VDR: variants seen among roughly 807,000 people sequenced by gnomAD.
VDR encodes the protein vitamin D receptor.
In VDR, 19 loss-of-function variants were observed where a neutral mutation model predicts 39.7. That is an observed-to-expected ratio of 0.48 (90% CI 0.33 to 0.70). VDR has a LOEUF of 0.70. Among genes scored for constraint, VDR ranks in the 30% least tolerant of loss-of-function variants. The pLI, the probability that VDR is intolerant of heterozygous loss-of-function variation, is 0.02. For synonymous variants in VDR, 242 were observed against 215.8 expected, an observed-to-expected ratio of 1.12 and a Z score of -1.07; for missense variants, 442 against 570.5, an observed-to-expected ratio of 0.77 and a Z score of 2.29.
chr12:47,860,788 T>C (rs377211763), intron 4 of VDR, among the ~76,000 whole-genome samples: 1 of 152,310 alleles, frequency 6.6e-6, no homozygotes, highest in South Asian at 2.1e-4. Flanking sequence ...TGCCTCTGGA[T>C]GTGTGCCTTT....
At chr12:47,861,275 T>C (rs1945620457) in intron 4 of VDR, among the ~76,000 whole-genome samples, 1 of 152,246 alleles carries the variant, frequency 6.6e-6, no homozygotes, top group South Asian at 2.1e-4. Context: ...TTACCCACTT[T>C]AAAGAGACAA....
chr12:47,844,517 C>A lies in VDR; in HGVS notation c.*229G>T. 1.6e-6 allele frequency: 1 copy of A among 639,672 alleles called. No homozygotes were observed. The highest frequency in any genetic ancestry group is 2.7e-6 in the Non-Finnish European group (1 of 373,786). 39.6% of individuals were successfully genotyped at this position (639,672 alleles called of 1,614,324 possible). Reference sequence around the variant, plus strand: ...CCCCCACTTGGGTTTCTTTGTCAAACAAACAGCAACTCCTCATGGCTGAGG... The same window carrying A: ...CCCCCACTTGGGTTTCTTTGTCAAAAAAACAGCAACTCCTCATGGCTGAGG... On this transcript the variant is annotated 3_prime_UTR_variant, in exon 10 of 10. Transcript: ENST00000549336.
intron 2 of VDR, among the ~76,000 whole-genome samples, chr12:47,880,038 T>C (rs1006302417): frequency 6.6e-6 from 1 of 152,148 alleles, no homozygotes; most frequent in Non-Finnish European, 1.5e-5. Context: ...TCCCGTCTAC[T>C]GTCAGGCTCA....
intron 4 of VDR, among the ~76,000 whole-genome samples, chr12:47,859,923 T>TTCTCTTTCTTTCTTTC (rs1555151337): frequency 2.0e-5 from 1 of 50,956 alleles, no homozygotes; most frequent in South Asian, 7.4e-4. Flanking sequence ...CCTTCTTTCT[T>TTCTCTTTCTTTCTTTC]TTTCTTTCTT....
intron 1 of VDR, among the ~76,000 whole-genome samples, chr12:47,889,827 A>G (rs74085276): frequency 0.015 from 2,291 of 152,314 alleles, 53 homozygotes; most frequent in African/African-American, 0.049. Context: ...AAACAAAAAC[A>G]AAAAAGCAGC....
intron 8 of VDR, 80 bp downstream of exon 8, chr12:47,846,577 T>C (rs1014601231): frequency 6.0e-5 from 95 of 1,596,340 alleles, no homozygotes; most frequent in Middle Eastern, 2.0e-4. Flanking sequence ...ATGTATCTGA[T>C]TGGAGCCAAA....
chr12:47,855,057 C>A (rs979034130), intron 7 of VDR, among the ~76,000 whole-genome samples: 3 of 152,096 alleles, frequency 2.0e-5, no homozygotes, highest in African/African-American at 7.2e-5. Context: ...GGGCAGGGCG[C>A]GATGGCTCAT....
chr12:47,845,438 C>T (rs1205703528), intron 9 of VDR, among the ~76,000 whole-genome samples: 1 of 152,100 alleles, frequency 6.6e-6, no homozygotes, highest in Non-Finnish European at 1.5e-5. Flanking sequence ...CACTCTACCT[C>T]TGTAGCCCAG....
At chr12:47,859,854 CTTCCTTCCTTCT>C (rs1479267555) in intron 4 of VDR, among the ~76,000 whole-genome samples, 3,518 of 54,230 alleles carry the variant, frequency 0.065, 269 homozygotes, top group African/African-American at 0.085. Flanking sequence ...TCCTTCCTTC[CTTCCTTCCTTCT>C]TTCCTTCCTT....
chr12:47,846,427 T>C lies in VDR; in HGVS notation c.932A>G (p.Glu311Gly). 6.4e-7 allele frequency: 1 copy of C among 1,569,456 alleles called. No individual in the cohort carries two copies. The highest frequency in any genetic ancestry group is 8.6e-7 in the Non-Finnish European group (1 of 1,157,032). ...TCCCACCTGGAACTTGATGAGGGGC[T>C]CAATCAGCTCCAGGCTGTGTCCGGC... ...TKAGHSLELI[E>G]PLIKFQVGLK... Residue 311 changes from glutamate (E) to glycine (G), a missense_variant, in exon 9 of 10, where the codon GAG (glutamate) becomes GGG (glycine). By Grantham distance (98) the Glu-to-Gly change is moderately conservative (BLOSUM62 -2). Transcript: ENST00000549336.
At chr12:47,845,136 G>T in intron 9 of VDR, 131 bp from the exon 10 acceptor site, 1 of 1,397,566 alleles carries the variant, frequency 7.2e-7, no homozygotes, top group Non-Finnish European at 9.9e-7. Flanking sequence ...TATGACTGCT[G>T]ACCGGTGATA....
rs1237993391 is a variant in VDR at position 47,846,411 on chromosome 12, G to A, written c.948C>T (p.Phe316=). The change falls in exon 9 of 10, where the codon TTC becomes TTT. Residue 316 remains phenylalanine (F), a synonymous_variant. Coordinates refer to ENST00000549336, the MANE Select transcript of VDR (RefSeq NM_000376.3). The part of the protein sequence containing the change: ...SLELIEPLIK[F]QVGLKKLNLH... The stretch of plus-strand genomic sequence containing the variant: ...AGTTCAGCTTCTTCAGTCCCACCTG[G>A]AACTTGATGAGGGGCTCAATCAGCT... 2 of 1,575,766 alleles carry A rather than the reference G, an allele frequency of 1.3e-6. No homozygotes were observed. The highest frequency in any genetic ancestry group is 1.7e-6 in the Non-Finnish European group (2 of 1,160,492).
intron 1 of VDR, chr12:47,899,800 C>T (rs770869449): frequency 9.4e-6 from 7 of 745,482 alleles, no homozygotes; most frequent in Non-Finnish European, 1.1e-5. Context: ...ACCTTGGTTT[C>T]CCCACTATGC....
intron 7 of VDR, among the ~76,000 whole-genome samples, chr12:47,847,888 G>A (rs758561504): frequency 1.3e-5 from 2 of 152,270 alleles, no homozygotes; most frequent in East Asian, 1.9e-4. Context: ...GACTACAGGT[G>A]CACACCATCA....
Position 47,857,693 on chromosome 12 carries a change from G to A in VDR, c.278-5C>T, listed in dbSNP as rs551270527. On this transcript the variant is annotated splice_polypyrimidine_tract_variant and splice_region_variant and intron_variant, in intron 4 of 9. Transcript: ENST00000549336. ...CTTCCTCATCTGTCAGAATGACTGT[G>A]GGGTGGGAAGGGGAGTCAGGAGGGC... 218 of 1,611,958 alleles carry A rather than the reference G, an allele frequency of 1.4e-4. 3 individuals carry two copies. The South Asian group carries it at 2.3e-3, about 17-fold the overall frequency.
chr12:47,853,725 G>A (rs111929662), intron 7 of VDR, among the ~76,000 whole-genome samples: 26 of 151,890 alleles, frequency 1.7e-4, no homozygotes, highest in African/African-American at 5.3e-4. Context: ...ATTGTACTCC[G>A]GCCTGGGCAA....
At chr12:47,873,700 T>C (rs898923568) in intron 3 of VDR, among the ~76,000 whole-genome samples, 2 of 152,230 alleles carry the variant, frequency 1.3e-5, no homozygotes, top group Admixed American at 1.3e-4. Flanking sequence ...TGGGTAGTTC[T>C]TTATAGCAGT....
At position 47,882,744 on chromosome 12, in the gene VDR, G is replaced by C; in HGVS notation, c.-53C>G. On this transcript the variant is annotated 5_prime_UTR_variant, in exon 2 of 10. Coordinates refer to ENST00000549336, the MANE Select transcript of VDR (RefSeq NM_000376.3). Reference sequence around the variant, plus strand: ...GGAGCCCAGGGGTGCTCTTCTGTGAGGTCTCACAGACACTTCAGACCCAAA... The same window carrying C: ...GGAGCCCAGGGGTGCTCTTCTGTGACGTCTCACAGACACTTCAGACCCAAA... 2 of 1,533,884 alleles carry C rather than the reference G, an allele frequency of 1.3e-6. No individual in the cohort carries two copies. The highest frequency in any genetic ancestry group is 1.8e-4 in the Middle Eastern group (1 of 5,614).
chr12:47,862,666 T>C (rs1424563159), intron 4 of VDR, among the ~76,000 whole-genome samples: 1 of 152,214 alleles, frequency 6.6e-6, no homozygotes, highest in Non-Finnish European at 1.5e-5. Flanking sequence ...GCCTGGGCTT[T>C]TAGCTTTCTT....
Sources: gnomAD v4.1 joint callset for allele counts (sites outside exome capture counted in the v4.1 genomes callset) on GRCh38, gnomAD v4.1.1 for gene constraint, MANE v1.5 for transcripts, NCBI Gene and HGNC (gene_info 2026-07-23, HGNC 2026-07-21) for gene names.